Variants in ACBD6 observed in about 807,000 individuals in gnomAD.
ACBD6 encodes the protein acyl-CoA binding domain containing 6, also known as acyl-CoA-binding domain-containing protein 6.
Under a neutral mutation model 37.2 loss-of-function variants are expected in ACBD6, and 28 were observed. The observed-to-expected ratio is 0.75, with a 90% CI of 0.56 to 1.03. ACBD6 has a LOEUF of 1.03. Ranked by LOEUF, ACBD6 falls within the 50% of genes least tolerant of loss-of-function variation. The pLI is 0.00. For synonymous variants in ACBD6, 113 were observed against 126.8 expected (o/e 0.89, Z 0.73); for missense variants, 340 against 337.4 (o/e 1.01, Z -0.06).
chr1:180,470,187 G>A (rs2102055764), intron 3 of ACBD6, among the ~76,000 whole-genome samples: 1 of 152,142 alleles, frequency 6.6e-6, no homozygotes, highest in Middle Eastern at 3.4e-3. Context: ...GCTGAGACTA[G>A]TGTCACAAAT....
intron 7 of ACBD6, among the ~76,000 whole-genome samples, chr1:180,295,606 T>C (rs1329034171): frequency 6.6e-6 from 1 of 152,156 alleles, no homozygotes; most frequent in Admixed American, 6.5e-5. Flanking sequence ...TCATTTTGTG[T>C]CTCTGTGTCA....
Position 180,367,633 on chromosome 1 carries a change from C to A in ACBD6, c.663+29883G>T, listed in dbSNP as rs11584482. On this transcript the variant is annotated intron_variant, in intron 6 of 7. Transcript: ENST00000367595. ...TATAGCTCCCACTTATAAATGAGAACGTGCAGTATTTGGTTTTCTATTCCT... is the reference window on the plus strand; with the variant it reads ...TATAGCTCCCACTTATAAATGAGAAAGTGCAGTATTTGGTTTTCTATTCCT... 5.5e-3 allele frequency among the ~76,000 whole-genome samples: 830 copies of A among 152,230 alleles called. 5 individuals are homozygous for A. The highest frequency in any genetic ancestry group is 8.9e-3 in the Non-Finnish European group (606 of 67,994).
intron 6 of ACBD6, among the ~76,000 whole-genome samples, chr1:180,346,431 GT>G (rs1652183732): frequency 2.0e-5 from 3 of 152,170 alleles, no homozygotes. Flanking sequence ...TTGAGTGACG[GT>G]GGCACCAGTG....
chr1:180,494,525 A>G (rs1390659043), intron 2 of ACBD6, among the ~76,000 whole-genome samples: 1 of 152,208 alleles, frequency 6.6e-6, no homozygotes, highest in Non-Finnish European at 1.5e-5. Context: ...GGTTAGTGAC[A>G]TACGTGATTT....
At chr1:180,326,289 C>G (rs1651256608) in intron 6 of ACBD6, 1 of 152,868 alleles carries the variant, frequency 6.5e-6, no homozygotes, top group Non-Finnish European at 1.5e-5. Flanking sequence ...GCCTCTCCCA[C>G]TCCCAGTTGC....
At chr1:180,471,282 T>C (rs1650554371) in intron 3 of ACBD6, among the ~76,000 whole-genome samples, 1 of 151,698 alleles carries the variant, frequency 6.6e-6, no homozygotes. Flanking sequence ...GTGGCTGTAG[T>C]ACCAGCTACT....
chr1:180,487,811 CA>C (rs575715765), intron 3 of ACBD6, among the ~76,000 whole-genome samples: 1 of 152,062 alleles, frequency 6.6e-6, no homozygotes, highest in African/African-American at 2.4e-5. Context: ...CCTTAAACTA[CA>C]AAAGTTACAG....
intron 6 of ACBD6, among the ~76,000 whole-genome samples, chr1:180,363,561 A>C (rs1344191491): frequency 6.6e-6 from 1 of 152,232 alleles, no homozygotes; most frequent in African/African-American, 2.4e-5. Context: ...CGGGCAAAGC[A>C]AAGACTGCAA....
At chr1:180,387,498 C>A (rs915498963) in intron 6 of ACBD6, among the ~76,000 whole-genome samples, 1 of 152,206 alleles carries the variant, frequency 6.6e-6, no homozygotes, top group South Asian at 2.1e-4. Context: ...AAAGTCTAGG[C>A]TTCCCATTTG....
Position 180,288,486 on chromosome 1 carries a change from C to T in ACBD6, c.726G>A (p.Glu242=), listed in dbSNP as rs1233957912. The T allele has an allele frequency of 1.9e-6, 3 of 1,613,544 alleles. No individual in the cohort carries two copies. Among genetic ancestry groups the T allele is most frequent in the Non-Finnish European group, 2.5e-6 (3 of 1,179,916 alleles). The change falls in exon 8 of 8, where the codon GAG becomes GAA. Residue 242 remains glutamate, a synonymous_variant. Coordinates refer to ENST00000367595, the MANE Select transcript of ACBD6 (RefSeq NM_032360.4). ...ASACEFLDIV[E]LLLQSGADPT... ...GGTCAGCACCAGACTGGAGCAGCAG[C>T]TCTACAATATCCAGAAACTCACAGG... is the stretch of plus-strand genomic sequence containing the variant.
At chr1:180,325,967 G>C (rs531571095) in intron 6 of ACBD6, among the ~76,000 whole-genome samples, 1 of 152,292 alleles carries the variant, frequency 6.6e-6, no homozygotes, top group East Asian at 1.9e-4. Context: ...GCACTGGGTT[G>C]TATCTGGAGC....
intron 3 of ACBD6, among the ~76,000 whole-genome samples, chr1:180,447,912 AT>A (rs959446737): frequency 4.6e-5 from 7 of 152,132 alleles, no homozygotes; most frequent in Non-Finnish European, 8.8e-5. Context: ...AAAAAAAAAA[AT>A]CATTAAGACC....
Position 180,411,791 on chromosome 1 carries a change from C to G in ACBD6, c.573+1575G>C, listed in dbSNP as rs557571489. Among the ~76,000 whole-genome samples, 293 of 152,144 alleles carry G rather than the reference C, an allele frequency of 1.9e-3. 1 individual carries two copies. Among genetic ancestry groups the G allele is most frequent in the Non-Finnish European group, 3.1e-3 (212 of 67,994 alleles). ...AGCGTTTCTCCTACTGCAGCCTCCC[C>G]CGAGTAGCTGGGATTACAGGCACCC... is the stretch of plus-strand genomic sequence containing the variant. On this transcript the variant is annotated intron_variant, in intron 5 of 7. Coordinates refer to ENST00000367595, the MANE Select transcript of ACBD6 (RefSeq NM_032360.4).
intron 6 of ACBD6, among the ~76,000 whole-genome samples, chr1:180,318,298 C>A (rs1650914674): frequency 6.6e-6 from 1 of 151,940 alleles, no homozygotes; most frequent in African/African-American, 2.4e-5. Flanking sequence ...GCTCTTTTCT[C>A]ATGTTTAAAA....
intron 6 of ACBD6, among the ~76,000 whole-genome samples, chr1:180,391,098 T>C (rs1029560296): frequency 1.3e-5 from 2 of 152,028 alleles, no homozygotes; most frequent in East Asian, 1.9e-4. Context: ...GTCTTTTCAA[T>C]AATGGTGGTG....
intron 3 of ACBD6, among the ~76,000 whole-genome samples, chr1:180,452,488 T>C (rs1024651939): frequency 4.0e-5 from 6 of 150,872 alleles, no homozygotes; most frequent in Middle Eastern, 3.4e-3. Context: ...TAAATAATAA[T>C]AATAATAATA....
At chr1:180,393,893 G>A (rs1571449456) in intron 6 of ACBD6, among the ~76,000 whole-genome samples, 1 of 152,098 alleles carries the variant, frequency 6.6e-6, no homozygotes, top group African/African-American at 2.4e-5. Context: ...AAACCTACAC[G>A]GAACTTTTAC....
chr1:180,486,611 T>C (rs1386485339), intron 3 of ACBD6, among the ~76,000 whole-genome samples: 1 of 152,148 alleles, frequency 6.6e-6, no homozygotes, highest in Non-Finnish European at 1.5e-5. Flanking sequence ...AAGACAAAAT[T>C]ATGGAGTTAA....
intron 6 of ACBD6, among the ~76,000 whole-genome samples, chr1:180,337,226 C>T (rs1380648475): frequency 6.6e-6 from 1 of 152,118 alleles, no homozygotes; most frequent in Non-Finnish European, 1.5e-5. Flanking sequence ...ACCAATATCC[C>T]TGATGAACAT....
Sources: gnomAD v4.1 joint callset for allele counts (sites outside exome capture counted in the v4.1 genomes callset) on GRCh38, gnomAD v4.1.1 for gene constraint, MANE v1.5 for transcripts, NCBI Gene and HGNC (gene_info 2026-07-23, HGNC 2026-07-21) for gene names.